USP12: variants seen among roughly 807,000 people sequenced by gnomAD.
USP12 encodes the protein ubiquitin carboxyl-terminal hydrolase 12.
A neutral mutation model predicts 45.5 loss-of-function variants in USP12; 19 were observed. The observed-to-expected ratio is 0.42, with a 90% CI of 0.29 to 0.61. The LOEUF is 0.61. Ranked by LOEUF, USP12 falls within the 20% of genes least tolerant of loss-of-function variation. The pLI, the probability that USP12 is intolerant of heterozygous loss-of-function variation, is 0.22. For missense variants in USP12, 242 were observed against 447.7 expected (o/e 0.54, Z 4.15); for synonymous variants, 149 against 148.8 (o/e 1.00, Z -0.01).
intron 3 of USP12, among the ~76,000 whole-genome samples, chr13:27,098,651 A>C: frequency 6.6e-6 from 1 of 152,224 alleles, no homozygotes; most frequent in South Asian, 2.1e-4. Context: ...TTTTGGTAAC[A>C]GATTTAAAAT....
chr13:27,148,994 G>A (rs921855130), intron 1 of USP12, among the ~76,000 whole-genome samples: 5 of 151,924 alleles, frequency 3.3e-5, no homozygotes, highest in African/African-American at 1.2e-4. Context: ...ACCAGCCTGG[G>A]CAACATGGTG....
chr13:27,085,861 T>C (rs752056788), intron 6 of USP12, among the ~76,000 whole-genome samples: 1 of 152,016 alleles, frequency 6.6e-6, no homozygotes, highest in Non-Finnish European at 1.5e-5. Flanking sequence ...TATGGTATGT[T>C]CATACAAAAA....
Position 27,067,868 on chromosome 13 carries a change from G to A in USP12, c.*1415C>T, listed in dbSNP as rs1321827204. On this transcript the variant is annotated 3_prime_UTR_variant, in exon 9 of 9. Transcript: ENST00000282344. ...GGCTACTGTCAGACAACTTACTGAT[G>A]CATGGAAAAACGTCCAAAAAAACTG... is the stretch of plus-strand genomic sequence containing the variant. The A allele has an allele frequency of 2.0e-5, 3 of 152,098 alleles. No individual in the cohort carries two copies. Among genetic ancestry groups the A allele is most frequent in the African/African-American group, 7.2e-5 (3 of 41,418 alleles). The allele number at this position is 152,098 out of a possible 1,614,324, so 9.4% of individuals were successfully genotyped here.
intron 1 of USP12, among the ~76,000 whole-genome samples, chr13:27,150,469 C>T (rs1286416999): frequency 6.6e-6 from 1 of 151,926 alleles, no homozygotes; most frequent in East Asian, 1.9e-4. Context: ...AAAAACATAC[C>T]ATGTTCACAG....
intron 1 of USP12, among the ~76,000 whole-genome samples, chr13:27,135,350 A>T (rs1170439843): frequency 6.6e-6 from 1 of 152,238 alleles, no homozygotes; most frequent in Non-Finnish European, 1.5e-5. Context: ...CAACATTTAT[A>T]AATTTTTTAA....
chr13:27,145,462 C>T (rs1160106619), intron 1 of USP12, among the ~76,000 whole-genome samples: 1 of 152,172 alleles, frequency 6.6e-6, no homozygotes, highest in East Asian at 1.9e-4. Flanking sequence ...TCCTGCATAA[C>T]CATTTTCTTC....
intron 1 of USP12, 52 bp from the exon 2 acceptor site, chr13:27,116,648 T>C (rs1316216039): frequency 3.2e-6 from 5 of 1,553,392 alleles, no homozygotes; most frequent in African/African-American, 2.7e-5. Context: ...ATGCACCACA[T>C]AATGACACTT....
intron 3 of USP12, among the ~76,000 whole-genome samples, chr13:27,102,270 A>T (rs1874901363): frequency 6.6e-6 from 1 of 152,124 alleles, no homozygotes; most frequent in Non-Finnish European, 1.5e-5. Context: ...TTTCTTCCAA[A>T]ATAATAGTAG....
At chr13:27,130,565 A>G (rs1366734160) in intron 1 of USP12, among the ~76,000 whole-genome samples, 1 of 151,696 alleles carries the variant, frequency 6.6e-6, no homozygotes, top group African/African-American at 2.4e-5. Context: ...ACATGCCAAA[A>G]AAAAAAAAAA....
At chr13:27,170,764 T>A in intron 1 of USP12, among the ~76,000 whole-genome samples, 1 of 152,218 alleles carries the variant, frequency 6.6e-6, no homozygotes, top group East Asian at 1.9e-4. Flanking sequence ...CACATACAGA[T>A]GTGTCTGGTG....
chr13:27,161,165 T>C (rs1878090566), intron 1 of USP12, among the ~76,000 whole-genome samples: 1 of 152,174 alleles, frequency 6.6e-6, no homozygotes, highest in African/African-American at 2.4e-5. Context: ...AGTCTCTTCA[T>C]TAAGCAAATT....
At chr13:27,087,490 TCAATAGACGTAGAAGAGAA>T (rs1303833378) in intron 6 of USP12, among the ~76,000 whole-genome samples, 1 of 152,060 alleles carries the variant, frequency 6.6e-6, no homozygotes, top group East Asian at 1.9e-4. Context: ...GATAAAGAGA[TCAATAGACGTAGAAGAGAA>T]ATAAATGCAG....
At chr13:27,107,057 G>A (rs1053846535) in intron 2 of USP12, among the ~76,000 whole-genome samples, 1 of 152,144 alleles carries the variant, frequency 6.6e-6, no homozygotes, top group Non-Finnish European at 1.5e-5. Context: ...AGACGCAGTG[G>A]CTCACACCTG....
rs1042180229 is a variant in USP12 at position 27,095,688 on chromosome 13, A to C, written c.486T>G (p.Asn162Lys). 6 of 1,613,050 alleles carry C rather than the reference A, an allele frequency of 3.7e-6. No individual in the cohort carries two copies. The African/African-American group carries it at 8.0e-5, about 22-fold the overall frequency. ...ACGTTGGGTCTGGTGTGCTGTTATT[A>C]TTTTCATTATCAATATTACCATTAG... ...RLPNGNIDNENNNSTPDPTWV... is the reference protein window; with the variant it reads ...RLPNGNIDNEKNNSTPDPTWV... Residue 162 changes from asparagine to lysine, a missense_variant, in exon 4 of 9, where the codon AAT becomes AAG. By Grantham distance (94) the Asn-to-Lys change is moderately conservative (BLOSUM62 0). Transcript: ENST00000282344.
intron 6 of USP12, among the ~76,000 whole-genome samples, chr13:27,083,788 T>C (rs997450185): frequency 1.3e-5 from 2 of 152,122 alleles, no homozygotes; most frequent in Non-Finnish European, 2.9e-5. Flanking sequence ...AAAATACTAA[T>C]TTTGTGGCAC....
chr13:27,133,183 T>C (rs1431827263), intron 1 of USP12, among the ~76,000 whole-genome samples: 2 of 152,336 alleles, frequency 1.3e-5, no homozygotes, highest in East Asian at 3.9e-4. Flanking sequence ...TAACACAGTC[T>C]ATCCTCTAGC....
At chr13:27,143,453 C>T (rs953516051) in intron 1 of USP12, among the ~76,000 whole-genome samples, 7 of 152,076 alleles carry the variant, frequency 4.6e-5, no homozygotes, top group African/African-American at 1.2e-4. Flanking sequence ...TACTAATAAA[C>T]ATGAAAAAAA....
chr13:27,121,156 C>T (rs1325015605), intron 1 of USP12, among the ~76,000 whole-genome samples: 2 of 152,104 alleles, frequency 1.3e-5, no homozygotes, highest in East Asian at 3.9e-4. Context: ...AATCCCATAC[C>T]ACAAGAAACA....
chr13:27,107,360 A>G (rs1220872005), intron 2 of USP12, among the ~76,000 whole-genome samples: 1 of 152,184 alleles, frequency 6.6e-6, no homozygotes, highest in Non-Finnish European at 1.5e-5. Context: ...ATTTATTGAT[A>G]TTGTTATTTT....
Sources: allele counts gnomAD v4.1 joint callset (sites outside exome capture counted in the v4.1 genomes callset), GRCh38; gene constraint gnomAD v4.1.1; transcripts MANE v1.5; gene names NCBI Gene and HGNC (gene_info 2026-07-23, HGNC 2026-07-21).